LRRIQ3: variants seen among roughly 807,000 people sequenced by gnomAD.
The protein encoded by LRRIQ3 is leucine-rich repeat and IQ domain-containing protein 3.
In LRRIQ3, 75 loss-of-function variants were observed where a neutral mutation model predicts 59.3. The observed-to-expected ratio is 1.26, with a 90% CI of 1.05 to 1.53. LRRIQ3 has a LOEUF of 1.53. LRRIQ3 is among the 40% of genes most tolerant of loss of function. The pLI is 0.00. For missense variants in LRRIQ3, 831 were observed against 710.0 expected (o/e 1.17, Z -1.94); for synonymous variants, 250 against 231.3 (o/e 1.08, Z -0.73).
intron 6 of LRRIQ3, among the ~76,000 whole-genome samples, chr1:74,047,384 T>G (rs1275513504): frequency 1.3e-5 from 2 of 151,442 alleles, no homozygotes; most frequent in African/African-American, 4.9e-5. Flanking sequence ...TAAGTGGGAG[T>G]TGAACAATGA....
chr1:74,074,464 T>C (rs973442583), intron 6 of LRRIQ3, among the ~76,000 whole-genome samples, 197 bp downstream of exon 6: 15 of 152,146 alleles, frequency 9.9e-5, no homozygotes, highest in Admixed American at 3.3e-4. Context: ...TAGCTTTTTA[T>C]ACACGGATTA....
At chr1:74,152,222 G>T (rs1648041419) in intron 4 of LRRIQ3, among the ~76,000 whole-genome samples, 1 of 151,548 alleles carries the variant, frequency 6.6e-6, no homozygotes, top group African/African-American at 2.4e-5. Flanking sequence ...TATATATAAA[G>T]ACTAAACCAG....
chr1:74,190,782 A>T (rs1000663989), intron 1 of LRRIQ3, among the ~76,000 whole-genome samples: 26 of 152,226 alleles, frequency 1.7e-4, no homozygotes, highest in South Asian at 4.1e-4. Context: ...AAGAATTTTT[A>T]AAAAATCTTA....
At position 74,126,449 on chromosome 1, in the gene LRRIQ3, G is replaced by C. The variant is rs184051521; in HGVS notation, c.708-16896C>G. On this transcript the variant is annotated intron_variant, in intron 4 of 7. Transcript: ENST00000354431. ...GTTCTTTAAGATGCATTGTTAGGTT[G>C]TTTAAAGATTTTTTAATATATCTGA... Among the ~76,000 whole-genome samples the C allele has an allele frequency of 3.4e-3, 520 of 151,746 alleles. 3 individuals are homozygous for C. The highest frequency in any genetic ancestry group is 5.1e-3 in the Admixed American group (78 of 15,212).
In LRRIQ3 at chr1:74,026,675, TA is replaced by T. The variant is rs1244364092; in HGVS notation, c.*137del. 3.3e-4 allele frequency: 218 copies of T among 669,662 alleles called. 1 individual carries two copies. The highest frequency in any genetic ancestry group is 8.6e-4 in the Middle Eastern group (2 of 2,320). The allele number at this position is 669,662 out of a possible 1,614,324, so 41.5% of individuals were successfully genotyped here. A position where few individuals can be genotyped will look rare whatever the true frequency, so the allele number is the denominator to read the frequency against. On this transcript the variant is annotated 3_prime_UTR_variant, in exon 8 of 8. Transcript: ENST00000354431. ...TAAGAGAAACATTTTAACTAATCTTTATATTTTTAGAAGACTTATATATAAA... is the reference window on the plus strand; with the variant it reads ...TAAGAGAAACATTTTAACTAATCTTTTATTTTTAGAAGACTTATATATAAA...
intron 1 of LRRIQ3, among the ~76,000 whole-genome samples, chr1:74,187,353 T>TAC (rs58321456): frequency 0.049 from 2,713 of 55,336 alleles, 86 homozygotes; most frequent in African/African-American, 0.11. Context: ...GGTATATGTT[T>TAC]ACACACACAC....
chr1:74,182,742 G>A lies in LRRIQ3; in HGVS notation c.369C>T (p.Thr123=), dbSNP rs1650066035. ...AATCAAACATAGTGAGGGCAATGAGGGTTGGACAGGCAGATAATACACATA... is the reference window on the plus strand; with the variant it reads ...AATCAAACATAGTGAGGGCAATGAGAGTTGGACAGGCAGATAATACACATA... ...KNICVLSACP[T]LIALTMFDCP... Residue 123 remains threonine (T), a synonymous_variant, in exon 3 of 8, where the codon ACC becomes ACT. Coordinates refer to ENST00000354431, the MANE Select transcript of LRRIQ3 (RefSeq NM_001105659.2). The A allele has an allele frequency of 6.2e-7, 1 of 1,612,316 alleles. No homozygotes were observed. Among genetic ancestry groups the A allele is most frequent in the Non-Finnish European group, 8.5e-7 (1 of 1,178,778 alleles).
intron 4 of LRRIQ3, among the ~76,000 whole-genome samples, chr1:74,127,976 T>G (rs1638393189): frequency 6.6e-6 from 1 of 152,012 alleles, no homozygotes; most frequent in Non-Finnish European, 1.5e-5. Flanking sequence ...TGAAGGATAT[T>G]TTTACTGGAC....
chr1:74,087,526 TA>T (rs76363377), intron 5 of LRRIQ3, among the ~76,000 whole-genome samples: 9 of 150,326 alleles, frequency 6.0e-5, no homozygotes, highest in Admixed American at 2.7e-4. Flanking sequence ...TGCTATTTCA[TA>T]AAAAAAAATC....
At chr1:74,166,076 T>C (rs1648968182) in intron 3 of LRRIQ3, among the ~76,000 whole-genome samples, 1 of 151,714 alleles carries the variant, frequency 6.6e-6, no homozygotes. Context: ...CTTCATAATA[T>C]AAATTAGGAG....
At chr1:74,144,274 A>T (rs976491558) in intron 4 of LRRIQ3, 1 of 174,046 alleles carries the variant, frequency 5.7e-6, no homozygotes, top group African/African-American at 2.4e-5. Context: ...CATATTTGGC[A>T]TAATCCCAGG....
At chr1:74,163,107 T>C (rs1648755433) in intron 3 of LRRIQ3, among the ~76,000 whole-genome samples, 1 of 151,738 alleles carries the variant, frequency 6.6e-6, no homozygotes, top group Non-Finnish European at 1.5e-5. Context: ...ATGCCATAAA[T>C]ATGTACAATT....
chr1:74,155,645 A>G (rs531593541), intron 4 of LRRIQ3, 88 bp downstream of exon 4: 1 of 1,290,588 alleles, frequency 7.7e-7, no homozygotes, highest in South Asian at 1.5e-5. Flanking sequence ...GAATACAAAA[A>G]TGCAAATTAT....
intron 3 of LRRIQ3, chr1:74,180,712 A>G: frequency 6.5e-7 from 1 of 1,549,576 alleles, no homozygotes. Flanking sequence ...ATCCCACCTC[A>G]TGACTCATTT....
At chr1:74,153,973 A>G (rs1648144244) in intron 4 of LRRIQ3, among the ~76,000 whole-genome samples, 1 of 152,062 alleles carries the variant, frequency 6.6e-6, no homozygotes, top group African/African-American at 2.4e-5. Context: ...TGGGCGCGGT[A>G]GTTCACGCTT....
At chr1:74,050,820 G>C (rs868669140) in intron 6 of LRRIQ3, among the ~76,000 whole-genome samples, 2 of 152,154 alleles carry the variant, frequency 1.3e-5, no homozygotes, top group South Asian at 4.1e-4. Flanking sequence ...AGTTCTTCCT[G>C]ATTTGCTAGA....
At chr1:74,115,406 C>T (rs1646764889) in intron 4 of LRRIQ3, among the ~76,000 whole-genome samples, 1 of 152,066 alleles carries the variant, frequency 6.6e-6, no homozygotes, top group African/African-American at 2.4e-5. Flanking sequence ...TGGAGACTCC[C>T]TAAATGACAT....
chr1:74,036,795 A>G (rs958648029), intron 7 of LRRIQ3, among the ~76,000 whole-genome samples: 3 of 152,162 alleles, frequency 2.0e-5, no homozygotes, highest in African/African-American at 7.2e-5. Context: ...GGTAGGTACT[A>G]CTTAGTAGAA....
intron 5 of LRRIQ3, among the ~76,000 whole-genome samples, chr1:74,084,465 T>G (rs1001469490): frequency 2.6e-5 from 4 of 151,766 alleles, no homozygotes; most frequent in African/African-American, 9.7e-5. Context: ...CAGACATACT[T>G]TTTAATTATT....
Sources: allele counts gnomAD v4.1 joint callset (sites outside exome capture counted in the v4.1 genomes callset), GRCh38; gene constraint gnomAD v4.1.1; transcripts MANE v1.5; gene names NCBI Gene and HGNC (gene_info 2026-07-23, HGNC 2026-07-21).